The following ZBTB38 variants were observed in gnomAD, a reference collection of about 807,000 sequenced individuals.
ZBTB38 encodes zinc finger and BTB domain containing 38.
A neutral mutation model predicts 76.8 loss-of-function variants in ZBTB38; 20 were observed. The observed-to-expected ratio is 0.26, with a 90% CI of 0.18 to 0.38. The LOEUF (loss-of-function observed/expected upper bound fraction) is 0.38, where lower values mean the gene tolerates loss of function less well. Among genes scored for constraint, ZBTB38 ranks in the 10% least tolerant of loss-of-function variants. ZBTB38 has a pLI of 1.00. For synonymous variants in ZBTB38, 504 were observed against 544.2 expected, an observed-to-expected ratio of 0.93 and a Z score of 1.03; for missense variants, 1,082 against 1,482.3, an observed-to-expected ratio of 0.73 and a Z score of 4.43.
At chr3:141,440,011 C>T (rs1323751531) in intron 5 of ZBTB38, among the ~76,000 whole-genome samples, 1 of 152,178 alleles carries the variant, frequency 6.6e-6, no homozygotes, top group Non-Finnish European at 1.5e-5. Flanking sequence ...TTTCTCCCTT[C>T]AGGGGCAAAG....
In ZBTB38 at chr3:141,369,707, C is replaced by T. The variant is rs777930083; in HGVS notation, c.-309-165C>T. Among the ~76,000 whole-genome samples the T allele has an allele frequency of 9.9e-5, 15 of 152,186 alleles. 1 individual carries two copies. The highest frequency in any genetic ancestry group is 2.6e-4 in the African/African-American group (11 of 41,518). ...GTTAAAATGACTGGGAGCGGGGAGGCGTAAGTCTCATTTTAAAGGCAGTAA... is the reference window on the plus strand; with the variant it reads ...GTTAAAATGACTGGGAGCGGGGAGGTGTAAGTCTCATTTTAAAGGCAGTAA... On this transcript the variant is annotated intron_variant, in intron 1 of 5. Transcript: ENST00000321464.
intron 4 of ZBTB38, among the ~76,000 whole-genome samples, chr3:141,399,423 G>A (rs1951190469): frequency 1.3e-5 from 2 of 152,120 alleles, no homozygotes; most frequent in African/African-American, 4.8e-5. Context: ...AAGGGCTTTG[G>A]TAGATTTACT....
chr3:141,400,894 T>C (rs1951723127), intron 4 of ZBTB38, among the ~76,000 whole-genome samples: 1 of 152,236 alleles, frequency 6.6e-6, no homozygotes, highest in African/African-American at 2.4e-5. Flanking sequence ...CCAGGCAGGC[T>C]GAATCCAAAG....
intron 3 of ZBTB38, among the ~76,000 whole-genome samples, chr3:141,384,458 G>A (rs939385271): frequency 3.3e-5 from 5 of 152,182 alleles, no homozygotes; most frequent in Non-Finnish European, 5.9e-5. Context: ...AATAATTTGC[G>A]AGTATTTTTA....
At chr3:141,359,690 G>T (rs1943764909) in intron 1 of ZBTB38, among the ~76,000 whole-genome samples, 2 of 152,196 alleles carry the variant, frequency 1.3e-5, no homozygotes, top group Admixed American at 1.3e-4. Flanking sequence ...CAGCACTTTG[G>T]GAGGCCAACG....
intron 5 of ZBTB38, among the ~76,000 whole-genome samples, chr3:141,412,109 TA>T (rs1469227118): frequency 8.5e-5 from 13 of 152,232 alleles, no homozygotes; most frequent in African/African-American, 2.9e-4. Context: ...AAATGACCTA[TA>T]TTTTTTTTCT....
At chr3:141,327,613 G>A (rs79287170) in intron 1 of ZBTB38, among the ~76,000 whole-genome samples, 1,706 of 152,290 alleles carry the variant, frequency 0.011, 29 homozygotes, top group African/African-American at 0.032. Flanking sequence ...TGGTCACCTG[G>A]ATGCTTCCTT....
intron 2 of ZBTB38, among the ~76,000 whole-genome samples, chr3:141,371,618 C>T (rs1468840619): frequency 6.6e-6 from 1 of 152,174 alleles, no homozygotes; most frequent in Non-Finnish European, 1.5e-5. Context: ...GCTAGGATAA[C>T]AGGCATGAGC....
intron 5 of ZBTB38, among the ~76,000 whole-genome samples, chr3:141,416,482 C>G (rs1369585723): frequency 6.6e-5 from 10 of 152,178 alleles, no homozygotes; most frequent in African/African-American, 2.2e-4. Flanking sequence ...CTCTCCCTTC[C>G]TCTCTTCTTC....
At chr3:141,435,864 T>A (rs369844094) in intron 5 of ZBTB38, among the ~76,000 whole-genome samples, 2 of 152,292 alleles carry the variant, frequency 1.3e-5, no homozygotes, top group African/African-American at 4.8e-5. Context: ...GTTATCCAAT[T>A]ACAAATTACT....
rs551919501 is a variant in ZBTB38, at chr3:141,413,342, A to C, written c.-1+9311A>C. Among the ~76,000 whole-genome samples, 13 of 152,242 alleles carry C rather than the reference A, an allele frequency of 8.5e-5. No homozygotes were observed. The East Asian group carries it at 2.5e-3, about 29-fold the overall frequency. On this transcript the variant is annotated intron_variant, in intron 5 of 5. Coordinates refer to ENST00000321464, the MANE Select transcript of ZBTB38 (RefSeq NM_001376113.1). The surrounding 1 kb of genome is among the most constrained non-coding windows in gnomAD (Gnocchi z 4.1). ...CCCCAGACTGAGGAATCAGCTGCAC[A>C]TCCCCCTGATGTCTCTAAAGCTGAA...
chr3:141,423,239 C>G (rs1288455604), intron 5 of ZBTB38, among the ~76,000 whole-genome samples: 1 of 152,166 alleles, frequency 6.6e-6, no homozygotes, highest in Non-Finnish European at 1.5e-5. Context: ...CAATACCTTT[C>G]AACTGTCGAG....
At chr3:141,378,591 T>G (rs1945741384) in intron 2 of ZBTB38, among the ~76,000 whole-genome samples, 1 of 152,256 alleles carries the variant, frequency 6.6e-6, no homozygotes, top group South Asian at 2.1e-4. Context: ...GTTAAAACTA[T>G]GTTTAAAACA....
intron 1 of ZBTB38, among the ~76,000 whole-genome samples, chr3:141,325,954 C>T (rs1942660635): frequency 6.6e-6 from 1 of 152,156 alleles, no homozygotes. Context: ...TCCCACACTT[C>T]AGCCAGTATA....
chr3:141,327,607 C>T (rs796387148), intron 1 of ZBTB38, among the ~76,000 whole-genome samples: 2 of 152,302 alleles, frequency 1.3e-5, no homozygotes, highest in African/African-American at 4.8e-5. Context: ...GGAATGTGGT[C>T]ACCTGGATGC....
chr3:141,444,630 G>C lies in ZBTB38; in HGVS notation c.2242G>C (p.Ala748Pro). The C allele has an allele frequency of 6.2e-7, 1 of 1,614,170 alleles. No homozygotes were observed. Among genetic ancestry groups the C allele is most frequent in the South Asian group, 1.1e-5 (1 of 91,072 alleles). The change falls in exon 6 of 6, where the codon GCT (alanine) becomes CCT (proline). Residue 748 changes from alanine (A) to proline (P), a missense_variant. Around this residue, in one of 8 missense-constraint regions of ZBTB38, gnomAD observed 471 missense variants for 581.0 expected, o/e 0.81. Transcript: ENST00000321464. The surrounding 1 kb of genome is among the most constrained non-coding windows in gnomAD (Gnocchi z 5.1). ...SSNHRAFSDP[A>P]VSQSLKDDSK... ...CAACCACAGAGCCTTTTCAGACCCA[G>C]CTGTCAGTCAGTCCCTGAAAGATGA...
intron 1 of ZBTB38, among the ~76,000 whole-genome samples, chr3:141,333,058 G>A (rs1172287516): frequency 2.6e-5 from 4 of 152,178 alleles, no homozygotes; most frequent in African/African-American, 7.2e-5. Context: ...GTCTCAAGAG[G>A]TCACAAGTGA....
At chr3:141,348,882 G>A (rs1353092232) in intron 1 of ZBTB38, among the ~76,000 whole-genome samples, 1 of 152,302 alleles carries the variant, frequency 6.6e-6, no homozygotes, top group East Asian at 1.9e-4. Context: ...AATTTCTGGA[G>A]GGTAAACAGT....
At chr3:141,438,191 A>G (rs2079241665) in intron 5 of ZBTB38, 1 of 149,300 alleles carries the variant, frequency 6.7e-6, no homozygotes, top group Non-Finnish European at 1.5e-5. Context: ...ACCACCTCCA[A>G]CACCCCATCC....
Sources: allele counts gnomAD v4.1 joint callset (sites outside exome capture counted in the v4.1 genomes callset), GRCh38; gene constraint gnomAD v4.1.1; regional missense constraint gnomAD v4.1.1; non-coding constraint Gnocchi (gnomAD v3.1); transcripts MANE v1.5; gene names NCBI Gene and HGNC (gene_info 2026-07-23, HGNC 2026-07-21).